IGF2R: variants seen among roughly 807,000 people sequenced by gnomAD.
IGF2R encodes cation-independent mannose-6-phosphate receptor.
Under a neutral mutation model 270.6 loss-of-function variants are expected in IGF2R, and 91 were observed. The observed-to-expected ratio is 0.34, with a 90% confidence interval of 0.28 to 0.40. The LOEUF (loss-of-function observed/expected upper bound fraction) is 0.40, where lower values mean the gene tolerates loss of function less well. IGF2R is among the 10% of genes least tolerant of loss of function. The probability of loss-of-function intolerance (pLI) is 1.00; values close to 1 mark genes in which losing one functional copy is unlikely to be tolerated. For synonymous variants in IGF2R, 1,316 were observed against 1,258.9 expected (o/e 1.05, Z -0.96); for missense variants, 2,805 against 3,188.3 (o/e 0.88, Z 2.90).
rs536098984 is a variant in IGF2R, at chr6:160,041,028, G to A, written c.1480+304G>A. Among the ~76,000 whole-genome samples the A allele has an allele frequency of 1.2e-4, 19 of 152,266 alleles. 1 individual carries two copies. Among genetic ancestry groups the A allele is most frequent in the African/African-American group, 4.6e-4 (19 of 41,550 alleles). ...GGGGTTCTTCTGTTTGGATCCTCTA[G>A]GCAGATGGATGTGCACCTTGGGCTG... On this transcript the variant is annotated intron_variant, in intron 11 of 47. Coordinates refer to ENST00000356956, the MANE Select transcript of IGF2R (RefSeq NM_000876.4).
intron 39 of IGF2R, among the ~76,000 whole-genome samples, chr6:160,082,019 A>G (rs1448242584): frequency 6.6e-6 from 1 of 152,248 alleles, no homozygotes; most frequent in African/African-American, 2.4e-5. Context: ...AGATTAAAGT[A>G]AAGACAGGCA....
chr6:160,104,733 G>A lies in IGF2R; in HGVS notation c.7125G>A (p.Gln2375=). The change falls in exon 48 of 48, where the codon CAG becomes CAA. Residue 2375 remains glutamine, a synonymous_variant. Transcript: ENST00000356956. ...CAGAGTGGCTGATGGAAGAGATCCA[G>A]CTGCCTCCTCCACGGCAGGGAAAGG... ...NETEWLMEEI[Q]LPPPRQGKEG... is the part of the protein sequence containing the mutation. 1 of 1,614,074 alleles carries A rather than the reference G, an allele frequency of 6.2e-7. No individual in the cohort carries two copies. Among genetic ancestry groups the A allele is most frequent in the Non-Finnish European group, 8.5e-7 (1 of 1,179,998 alleles).
intron 35 of IGF2R, among the ~76,000 whole-genome samples, chr6:160,075,111 C>T (rs552277152): frequency 1.4e-3 from 207 of 151,812 alleles, no homozygotes; most frequent in African/African-American, 4.9e-3. Context: ...CACACTCACA[C>T]CCACATGCAC....
At position 159,969,147 on chromosome 6, in the gene IGF2R, C is replaced by A. The variant is rs866419012; in HGVS notation, c.-100C>A. 9 of 690,924 alleles carry A rather than the reference C, an allele frequency of 1.3e-5. No individual in the cohort carries two copies. The highest frequency in any genetic ancestry group is 7.1e-4 in the Middle Eastern group (1 of 1,400). 42.8% of individuals were successfully genotyped at this position (690,924 alleles called of 1,614,324 possible). ...CCTCGGGCTCCCGCTCCGTCTCCAC[C>A]TCCGCCTTTGCCCTGGCGGCGCGAC... On this transcript the variant is annotated 5_prime_UTR_variant, in exon 1 of 48. Coordinates refer to ENST00000356956, the MANE Select transcript of IGF2R (RefSeq NM_000876.4).
At chr6:159,970,049 G>T (rs576314649) in intron 1 of IGF2R, among the ~76,000 whole-genome samples, 2 of 152,194 alleles carry the variant, frequency 1.3e-5, no homozygotes, top group Admixed American at 1.3e-4. Flanking sequence ...TCACTTCTCT[G>T]AGCCCAACTT....
intron 11 of IGF2R, among the ~76,000 whole-genome samples, chr6:160,041,380 A>T (rs1172970145): frequency 6.6e-6 from 1 of 152,134 alleles, no homozygotes; most frequent in Non-Finnish European, 1.5e-5. Flanking sequence ...CACCCAGAAC[A>T]GTCACAGAAC....
rs548162012 is a variant in IGF2R at position 159,981,554 on chromosome 6, A to G, written c.150-9630A>G. ...AGTCCAACTCTCTCTCTGGATTCAA[A>G]TGAAAGCTTTAGATCATAGTCTGTT... On this transcript the variant is annotated intron_variant, in intron 1 of 47. Coordinates refer to ENST00000356956, the MANE Select transcript of IGF2R (RefSeq NM_000876.4). Among the ~76,000 whole-genome samples, 51 of 152,290 alleles carry G rather than the reference A, an allele frequency of 3.3e-4. 1 individual carries two copies. The highest frequency in any genetic ancestry group is 3.4e-3 in the Middle Eastern group (1 of 294).
At chr6:160,014,963 C>T (rs745822689) in intron 4 of IGF2R, among the ~76,000 whole-genome samples, 3 of 152,168 alleles carry the variant, frequency 2.0e-5, no homozygotes, top group African/African-American at 4.8e-5. Context: ...GTATTTTAGG[C>T]GACAGGCAAC....
chr6:160,048,743 A>G (rs1273901675), intron 18 of IGF2R, among the ~76,000 whole-genome samples, 200 bp downstream of exon 18: 4 of 152,252 alleles, frequency 2.6e-5, no homozygotes, highest in Non-Finnish European at 2.9e-5. Flanking sequence ...CATTGTTCAC[A>G]TGGAGAATGC....
chr6:160,037,439 A>G (rs1006685933), intron 10 of IGF2R, among the ~76,000 whole-genome samples: 8 of 152,236 alleles, frequency 5.3e-5, no homozygotes, highest in Non-Finnish European at 1.2e-4. Flanking sequence ...ATCCCTTGGT[A>G]GACTCTGTTT....
intron 22 of IGF2R, among the ~76,000 whole-genome samples, chr6:160,059,724 C>T (rs1427537229): frequency 6.6e-6 from 1 of 152,222 alleles, no homozygotes; most frequent in East Asian, 1.9e-4. Flanking sequence ...GATGATCACC[C>T]CCTGCTGCTC....
At chr6:160,103,876 C>G in intron 47 of IGF2R, 61 bp downstream of exon 47, 2 of 1,135,818 alleles carry the variant, frequency 1.8e-6, no homozygotes, top group South Asian at 2.5e-5. Flanking sequence ...GCTGCGCTGT[C>G]CATGTCGTTC....
intron 30 of IGF2R, among the ~76,000 whole-genome samples, 200 bp from the exon 31 acceptor site, chr6:160,069,668 C>G (rs1562366250): frequency 6.6e-6 from 1 of 152,204 alleles, no homozygotes; most frequent in Non-Finnish European, 1.5e-5. Flanking sequence ...CCATCTGTGA[C>G]AAAACAGCAT....
At chr6:159,978,380 G>T (rs1265387148) in intron 1 of IGF2R, among the ~76,000 whole-genome samples, 1 of 152,060 alleles carries the variant, frequency 6.6e-6, no homozygotes, top group Non-Finnish European at 1.5e-5. Flanking sequence ...TCACCCTCCT[G>T]CATGTGGTGG....
chr6:159,980,135 C>T (rs575447503), intron 1 of IGF2R, among the ~76,000 whole-genome samples: 4 of 150,774 alleles, frequency 2.7e-5, no homozygotes, highest in African/African-American at 7.3e-5. Context: ...GAGCTGAGAT[C>T]GCACCGCTGC....
chr6:160,015,043 A>AT (rs1219620247), intron 4 of IGF2R, among the ~76,000 whole-genome samples: 1 of 151,818 alleles, frequency 6.6e-6, no homozygotes, highest in Non-Finnish European at 1.5e-5. Flanking sequence ...AGGTCGTTTG[A>AT]TTCACTCTAT....
At chr6:160,062,875 G>T (rs560341351) in intron 26 of IGF2R, among the ~76,000 whole-genome samples, 23 of 151,836 alleles carry the variant, frequency 1.5e-4, no homozygotes, top group Non-Finnish European at 2.9e-4. Context: ...CTAATGTGGG[G>T]TTTGGTTTTG....
chr6:160,064,837 T>C lies in IGF2R; in HGVS notation c.4051T>C (p.Tyr1351His), dbSNP rs1417037057. ...VFLKETSDCS[Y>H]LFEWRTQYAC... ...TCTAAAGGAGACTTCAGATTGTTCC[T>C]ACTTGTTTGAGTGGCGAACGCAGTA... The change falls in exon 29 of 48, where the codon TAC becomes CAC. Residue 1351 changes from tyrosine (Y) to histidine (H), a missense_variant. Transcript: ENST00000356956. The C allele has an allele frequency of 1.9e-6, 3 of 1,613,826 alleles. No homozygotes were observed. In the South Asian group the frequency reaches 3.3e-5, roughly 18 times the overall value.
At chr6:160,082,925 G>A (rs1779017831) in intron 39 of IGF2R, among the ~76,000 whole-genome samples, 1 of 152,190 alleles carries the variant, frequency 6.6e-6, no homozygotes. Flanking sequence ...GGGGTGGCCT[G>A]CCCCTCCACA....
Sources: allele counts gnomAD v4.1 joint callset (sites outside exome capture counted in the v4.1 genomes callset), GRCh38; gene constraint gnomAD v4.1.1; transcripts MANE v1.5; gene names NCBI Gene and HGNC (gene_info 2026-07-23, HGNC 2026-07-21).